PTK2: variants seen among roughly 807,000 people sequenced by gnomAD.
PTK2 encodes the protein focal adhesion kinase 1.
A neutral mutation model predicts 150.1 loss-of-function variants in PTK2; 45 were observed. The observed-to-expected ratio is 0.30, with a 90% CI of 0.24 to 0.38. The LOEUF (loss-of-function observed/expected upper bound fraction) is 0.38, where lower values mean the gene tolerates loss of function less well. Among genes scored for constraint, PTK2 ranks in the 10% least tolerant of loss-of-function variants. The pLI is 1.00. For missense variants in PTK2, 919 were observed against 1,307.3 expected (o/e 0.70, Z 4.58); for synonymous variants, 432 against 449.2 (o/e 0.96, Z 0.48).
intron 4 of PTK2, 110 bp from the exon 5 acceptor site, chr8:140,864,509 T>C: frequency 3.7e-6 from 2 of 537,332 alleles, no homozygotes; most frequent in Non-Finnish European, 6.4e-6. Flanking sequence ...TGAAAGATGA[T>C]TTCAAATAAA....
chr8:140,818,096 C>T (rs2100105831), intron 10 of PTK2, among the ~76,000 whole-genome samples, 181 bp downstream of exon 10: 1 of 152,154 alleles, frequency 6.6e-6, no homozygotes, highest in South Asian at 2.1e-4. Flanking sequence ...CTAAGTAATT[C>T]CGAGGTATTT....
chr8:140,865,969 G>A (rs1214745474), intron 4 of PTK2, among the ~76,000 whole-genome samples: 1 of 151,552 alleles, frequency 6.6e-6, no homozygotes, highest in Non-Finnish European at 1.5e-5. Context: ...ATTTTTAGTA[G>A]GGCTGGGGTT....
At chr8:140,931,800 G>A (rs925340929) in intron 1 of PTK2, among the ~76,000 whole-genome samples, 1 of 151,798 alleles carries the variant, frequency 6.6e-6, no homozygotes, top group Non-Finnish European at 1.5e-5. Flanking sequence ...GCTGGTTGTG[G>A]TGGCACACAC....
chr8:140,662,850 A>C, intron 31 of PTK2: 1 of 448,750 alleles, frequency 2.2e-6, no homozygotes. Context: ...ATATCCCTCA[A>C]TCCAACTTTA....
chr8:140,890,441 C>A, intron 3 of PTK2, 102 bp downstream of exon 3: 1 of 975,168 alleles, frequency 1.0e-6, no homozygotes, highest in Non-Finnish European at 1.5e-6. Context: ...GAAAAGTCCC[C>A]GATAAGTTAA....
At chr8:140,907,907 T>C (rs1440478723) in intron 2 of PTK2, among the ~76,000 whole-genome samples, 1 of 140,478 alleles carries the variant, frequency 7.1e-6, no homozygotes. Flanking sequence ...AATACTGAAA[T>C]TAGGCCAATT....
chr8:140,811,434 G>T (rs867118974), intron 10 of PTK2, among the ~76,000 whole-genome samples: 1 of 152,288 alleles, frequency 6.6e-6, no homozygotes, highest in Middle Eastern at 3.4e-3. Flanking sequence ...CAACTTCAAA[G>T]GTTGAAGAAA....
intron 26 of PTK2, among the ~76,000 whole-genome samples, chr8:140,696,015 C>G (rs1227404386): frequency 6.6e-6 from 1 of 152,006 alleles, no homozygotes; most frequent in African/African-American, 2.4e-5. Flanking sequence ...ACAGTGACAC[C>G]AATGCTATGA....
chr8:140,878,005 T>C (rs752601223), intron 4 of PTK2, among the ~76,000 whole-genome samples: 1 of 152,004 alleles, frequency 6.6e-6, no homozygotes, highest in Non-Finnish European at 1.5e-5. Flanking sequence ...ATCACCTGAG[T>C]AGGGGAGTTC....
chr8:140,672,097 T>C (rs1177785772), intron 29 of PTK2: 2 of 445,480 alleles, frequency 4.5e-6, no homozygotes, highest in African/African-American at 2.0e-5. Flanking sequence ...GTGGTACCGA[T>C]CTACCTGTAA....
At chr8:140,887,175 G>C (rs1568208597) in intron 3 of PTK2, among the ~76,000 whole-genome samples, 1 of 152,158 alleles carries the variant, frequency 6.6e-6, no homozygotes, top group Non-Finnish European at 1.5e-5. Context: ...GCAGTACCTG[G>C]GGAGGTCCAC....
At chr8:140,841,921 A>AAC (rs1241701792) in intron 7 of PTK2, among the ~76,000 whole-genome samples, 2 of 151,636 alleles carry the variant, frequency 1.3e-5, no homozygotes, top group Non-Finnish European at 3.0e-5. Flanking sequence ...CATTGTTATT[A>AAC]ACCTGAACTG....
At chr8:140,964,559 T>A (rs2100184566) in intron 1 of PTK2, among the ~76,000 whole-genome samples, 1 of 141,844 alleles carries the variant, frequency 7.1e-6, no homozygotes, top group Non-Finnish European at 1.5e-5. Context: ...TTTTTTTTTT[T>A]TTTTTTTTTT....
intron 8 of PTK2, among the ~76,000 whole-genome samples, chr8:140,820,102 TTTTTTTTTTTTTTTTTAA>T (rs2100107441): frequency 2.3e-5 from 2 of 88,800 alleles, no homozygotes; most frequent in Non-Finnish European, 4.2e-5. Flanking sequence ...TTTTTTTTTT[TTTTTTTTTTTTTTTTTAA>T]ATAGGGTCTC....
chr8:140,883,768 G>A (rs1458985662), intron 3 of PTK2, among the ~76,000 whole-genome samples: 1 of 151,882 alleles, frequency 6.6e-6, no homozygotes, highest in African/African-American at 2.4e-5. Flanking sequence ...TATCTTGGTG[G>A]TCCACAGTCA....
intron 7 of PTK2, among the ~76,000 whole-genome samples, chr8:140,841,797 G>A (rs2100122521): frequency 6.6e-6 from 1 of 151,800 alleles, no homozygotes; most frequent in Non-Finnish European, 1.5e-5. Flanking sequence ...ACTTAAAAAT[G>A]GCCATATATG....
At chr8:140,672,819 G>C (rs192250373) in intron 29 of PTK2, among the ~76,000 whole-genome samples, 1 of 152,220 alleles carries the variant, frequency 6.6e-6, no homozygotes, top group Non-Finnish European at 1.5e-5. Context: ...TTTGAGTCAA[G>C]TATGTGCTCA....
intron 2 of PTK2, among the ~76,000 whole-genome samples, chr8:140,897,681 T>C (rs1213114648): frequency 6.6e-6 from 1 of 152,116 alleles, no homozygotes; most frequent in Admixed American, 6.6e-5. Context: ...GTCCCAAGAG[T>C]TGCTTTCTGC....
At chr8:140,942,499 C>T (rs899707069) in intron 1 of PTK2, among the ~76,000 whole-genome samples, 9 of 152,080 alleles carry the variant, frequency 5.9e-5, no homozygotes, top group African/African-American at 2.2e-4. Context: ...GAATCAAGGA[C>T]TTCAAGACTG....
Sources: allele counts gnomAD v4.1 joint callset (sites outside exome capture counted in the v4.1 genomes callset), GRCh38; gene constraint gnomAD v4.1.1; transcripts MANE v1.5; gene names NCBI Gene and HGNC (gene_info 2026-07-23, HGNC 2026-07-21).